Variants in MTMR4 observed in about 807,000 individuals in gnomAD.
MTMR4 encodes the protein phosphatidylinositol-3,5-bisphosphate 3-phosphatase MTMR4.
In MTMR4, 30 loss-of-function variants were observed where a neutral mutation model predicts 125.5. The ratio of observed to expected loss-of-function variants is 0.24; its 90% CI spans 0.18 to 0.32. The LOEUF (loss-of-function observed/expected upper bound fraction) is 0.32, where lower values mean the gene tolerates loss of function less well. Among genes scored for constraint, MTMR4 ranks in the 10% least tolerant of loss-of-function variants. The pLI is 1.00. For synonymous variants in MTMR4, 498 were observed against 564.5 expected (o/e 0.88, Z 1.67); for missense variants, 1,039 against 1,511.5 (o/e 0.69, Z 5.18).
chr17:58,498,554 A>G (rs1488993194), intron 14 of MTMR4, among the ~76,000 whole-genome samples: 72 of 15,984 alleles, frequency 4.5e-3, no homozygotes, highest in African/African-American at 7.0e-3. Flanking sequence ...AGGAGGGGGG[A>G]GGAGGGGGAG....
intron 14 of MTMR4, among the ~76,000 whole-genome samples, chr17:58,498,308 T>A (rs1975524820): frequency 6.6e-6 from 1 of 151,818 alleles, no homozygotes; most frequent in Non-Finnish European, 1.5e-5. Context: ...AACAACATTC[T>A]GCCATCCTCC....
chr17:58,510,740 T>A (rs1306986372), intron 4 of MTMR4: 1 of 152,172 alleles, frequency 6.6e-6, no homozygotes, highest in Non-Finnish European at 1.5e-5. Flanking sequence ...CACACCTGGC[T>A]AATTTTTTCT....
At chr17:58,505,733 C>T in intron 9 of MTMR4, 150 bp from the exon 10 acceptor site, 1 of 455,540 alleles carries the variant, frequency 2.2e-6, no homozygotes, top group Non-Finnish European at 4.2e-6. Flanking sequence ...CACAGTGAAA[C>T]CCCATCTCTA....
At position 58,504,256 on chromosome 17, in the gene MTMR4, G is replaced by A. The variant is rs750110731; in HGVS notation, c.1528-36C>T. On this transcript the variant is annotated intron_variant, in intron 12 of 17. Transcript: ENST00000682306. This position sits in a 1 kb window ranked among gnomAD's most constrained non-coding sequence, Gnocchi z 7.1. ...GAGAGAGCTTGCACCTGGGGGCCTC[G>A]GGCTGTCATTCCCCCCATCCCTGTT... 29 of 1,603,342 alleles carry A rather than the reference G, an allele frequency of 1.8e-5. No homozygotes were observed. The highest frequency in any genetic ancestry group is 6.7e-5 in the African/African-American group (5 of 74,646).
intron 14 of MTMR4, 88 bp from the exon 15 acceptor site, chr17:58,496,418 GC>G: frequency 9.0e-7 from 1 of 1,116,764 alleles, no homozygotes; most frequent in Non-Finnish European, 1.3e-6. Context: ...CAATATCAAA[GC>G]CAGAGTTTAG....
Position 58,495,940 on chromosome 17 carries a change from G to T in MTMR4, c.2244C>A (p.Asp748Glu). 6.2e-7 allele frequency: 1 copy of T among 1,614,184 alleles called. No homozygotes were observed. The highest frequency in any genetic ancestry group is 2.2e-5 in the East Asian group (1 of 44,892). Reference sequence around the variant, plus strand: ...TACCCAGCTCATCCTGGGCAGAAGGGTCTGGAGCTGGTCCCTTAGTCTCTT... The same window carrying T: ...TACCCAGCTCATCCTGGGCAGAAGGTTCTGGAGCTGGTCCCTTAGTCTCTT... ...VLEETKGPAP[D>E]PSAQDELGRT... Residue 748 changes from aspartate to glutamate, a missense_variant, in exon 15 of 18, where the codon GAC becomes GAA. By Grantham distance (45) the Asp-to-Glu change is conservative. Coordinates refer to ENST00000682306, the MANE Select transcript of MTMR4 (RefSeq NM_001378067.1).
In MTMR4 at chr17:58,495,589, A is replaced by G; in HGVS notation, c.2595T>C (p.Ser865=). The G allele has an allele frequency of 1.2e-6, 2 of 1,614,102 alleles. No individual in the cohort carries two copies. Among genetic ancestry groups the G allele is most frequent in the Non-Finnish European group, 1.7e-6 (2 of 1,180,014 alleles). The change falls in exon 15 of 18, where the codon AGT becomes AGC. Residue 865 remains serine, a synonymous_variant. Coordinates refer to ENST00000682306, the MANE Select transcript of MTMR4 (RefSeq NM_001378067.1). The stretch of plus-strand genomic sequence containing the variant: ...CCCCATGGGTCAGATCCGGCACAGA[A>G]CTCAGTTGTTCCTGGTGGGAGATAC... ...VASISHQEQL[S]SVPDLTHGEE...
Position 58,508,518 on chromosome 17 carries a change from G to C in MTMR4, c.543C>G (p.Gly181=), listed in dbSNP as rs770987695. Residue 181 remains glycine, a synonymous_variant, in exon 6 of 18, where the codon GGC becomes GGG. Transcript: ENST00000682306. The surrounding 1 kb of genome is among the most constrained non-coding windows in gnomAD (Gnocchi z 4.8). ...CTCTCCAGACGTTCTGCAGGTCAAAGCCCATCCTTGCAAGCTCCGCCTCCT... is the reference window on the plus strand; with the variant it reads ...CTCTCCAGACGTTCTGCAGGTCAAACCCCATCCTTGCAAGCTCCGCCTCCT... ...CRQEAELARM[G]FDLQNVWRVS... 2 of 1,614,248 alleles carry C rather than the reference G, an allele frequency of 1.2e-6. No homozygotes were observed. The highest frequency in any genetic ancestry group is 2.2e-5 in the South Asian group (2 of 91,088).
chr17:58,492,392 A>G, intron 17 of MTMR4, 119 bp downstream of exon 17: 1 of 820,078 alleles, frequency 1.2e-6, no homozygotes, highest in Middle Eastern at 2.8e-4. Context: ...GATGGTCTCA[A>G]TCTCCTCACC....
In MTMR4 at chr17:58,508,627, G is replaced by C. The variant is rs1156366778; in HGVS notation, c.496+54C>G. 11 of 1,613,954 alleles carry C rather than the reference G, an allele frequency of 6.8e-6. No homozygotes were observed. Among genetic ancestry groups the C allele is most frequent in the Non-Finnish European group, 9.3e-6 (11 of 1,179,912 alleles). ...CACCAATGTGCAGGAGTGGAGGAGG[G>C]ATGAGAACTAAGGGGTAAGAAGCAG... On this transcript the variant is annotated intron_variant, in intron 5 of 17. Coordinates refer to ENST00000682306, the MANE Select transcript of MTMR4 (RefSeq NM_001378067.1). The surrounding 1 kb of genome is among the most constrained non-coding windows in gnomAD (Gnocchi z 4.8).
chr17:58,515,934 C>T (rs927682823), upstream of MTMR4, among the ~76,000 whole-genome samples: 1 of 152,240 alleles, frequency 6.6e-6, no homozygotes, highest in African/African-American at 2.4e-5. Context: ...TTTCCCATCT[C>T]ACTGCCTCCT....
At position 58,506,855 on chromosome 17, in the gene MTMR4, C is replaced by T. The variant is rs572490983; in HGVS notation, c.921G>A (p.Ala307=). 1.1e-5 allele frequency: 17 copies of T among 1,612,632 alleles called. No individual in the cohort carries two copies. The highest frequency in any genetic ancestry group is 6.7e-5 in the African/African-American group (5 of 75,024). The change falls in exon 9 of 18, where the codon GCG becomes GCA. Residue 307 remains alanine, a synonymous_variant. Coordinates refer to ENST00000682306, the MANE Select transcript of MTMR4 (RefSeq NM_001378067.1). Reference sequence around the variant, plus strand: ...CTGCTGTGCTCTCCACTCCAGAGCACGCAGTCAGAGAAGAATCTAAACACA... The same window carrying T: ...CTGCTGTGCTCTCCACTCCAGAGCATGCAGTCAGAGAAGAATCTAAACACA... ...CDADFDSSLT[A]CSGVESTAAP...
chr17:58,499,451 G>A (rs1162252923), intron 14 of MTMR4, among the ~76,000 whole-genome samples: 3 of 152,004 alleles, frequency 2.0e-5, no homozygotes, highest in Non-Finnish European at 4.4e-5. Context: ...GGAGGCTGAG[G>A]CAGAAGAATC....
At position 58,492,906 on chromosome 17, in the gene MTMR4, G is replaced by C. The variant is rs1975353111; in HGVS notation, c.3299C>G (p.Ser1100Cys). 2 of 1,614,080 alleles carry C rather than the reference G, an allele frequency of 1.2e-6. No homozygotes were observed. Among genetic ancestry groups the C allele is most frequent in the African/African-American group, 1.3e-5 (1 of 74,942 alleles). ...SDGSDTEDFG[S>C]DHSEDCLSEA... ...TGAAAGGCAGTCTTCACTGTGATCA[G>C]AGCCAAAATCCTCAGTATCACTGCC... Residue 1100 changes from serine (S) to cysteine (C), a missense_variant, in exon 16 of 18, where the codon TCT becomes TGT. Coordinates refer to ENST00000682306, the MANE Select transcript of MTMR4 (RefSeq NM_001378067.1).
In MTMR4 at chr17:58,490,787, T is replaced by TGTTA. The variant is rs1258783743; in HGVS notation, c.*872_*875dup. The TGTTA allele has an allele frequency of 6.6e-6, 1 of 152,644 alleles. No individual in the cohort carries two copies. Among genetic ancestry groups the TGTTA allele is most frequent in the Non-Finnish European group, 1.5e-5 (1 of 68,026 alleles). 9.5% of individuals were successfully genotyped at this position (152,644 alleles called of 1,614,324 possible). A position where few individuals can be genotyped will look rare whatever the true frequency, so the allele number is the denominator to read the frequency against. ...GGAGAGGATCAAGGTGTAGCTCCTG[T>TGTTA]GTTAGCACCAGGACAACTAGGAAAA... On this transcript the variant is annotated 3_prime_UTR_variant, in exon 18 of 18. Transcript: ENST00000682306.
intron 17 of MTMR4, 131 bp downstream of exon 17, chr17:58,492,380 A>G: frequency 1.3e-6 from 1 of 743,056 alleles, no homozygotes; most frequent in Non-Finnish European, 2.3e-6. Flanking sequence ...CATGTTGGCC[A>G]GGATGGTCTC....
rs191527177 is a variant in MTMR4, at chr17:58,498,352, G to A, written c.1854-2022C>T. On this transcript the variant is annotated intron_variant, in intron 14 of 17. Transcript: ENST00000682306. ...TTCTATGTGTACCAAAGGTTAGTCA[G>A]CAATGTTGACAGAGATAATAATACC... Among the ~76,000 whole-genome samples, 249 of 151,922 alleles carry A rather than the reference G, an allele frequency of 1.6e-3. 1 individual carries two copies. Among genetic ancestry groups the A allele is most frequent in the African/African-American group, 5.8e-3 (239 of 41,380 alleles).
chr17:58,514,461 G>C lies in MTMR4; in HGVS notation c.-54C>G. 3 of 984,942 alleles carry C rather than the reference G, an allele frequency of 3.0e-6. No individual in the cohort carries two copies. The highest frequency in any genetic ancestry group is 3.6e-6 in the Non-Finnish European group (3 of 829,656). The allele number at this position is 984,942 out of a possible 1,614,324, so 61.0% of individuals were successfully genotyped here. On this transcript the variant is annotated 5_prime_UTR_variant, in exon 1 of 18. Transcript: ENST00000682306. ...TGTCCCCGGAGCCGCTGCGCTGCCC[G>C]CCAGCCCCGGGCGCCCGCCGCATCC...
intron 14 of MTMR4, among the ~76,000 whole-genome samples, chr17:58,503,061 G>A (rs1458501653): frequency 6.6e-6 from 1 of 152,088 alleles, no homozygotes; most frequent in Non-Finnish European, 1.5e-5. Context: ...AGATGTTTCT[G>A]GAAGCTAATG....
Sources: gnomAD v4.1 joint callset for allele counts (sites outside exome capture counted in the v4.1 genomes callset) on GRCh38, gnomAD v4.1.1 for gene constraint, Gnocchi (gnomAD v3.1) non-coding constraint, MANE v1.5 for transcripts, NCBI Gene and HGNC (gene_info 2026-07-23, HGNC 2026-07-21) for gene names.